CWF19L2: variants seen among roughly 807,000 people sequenced by gnomAD.
CWF19L2 encodes CWF19 like cell cycle control factor 2, also known as CWF19-like protein 2.
CWF19L2 carries 98 observed loss-of-function variants against 111.7 expected under a neutral mutation model. The observed-to-expected ratio is 0.88, with a 90% confidence interval of 0.75 to 1.04. The LOEUF (loss-of-function observed/expected upper bound fraction) is 1.04, where lower values mean the gene tolerates loss of function less well. Ranked by LOEUF, CWF19L2 falls within the 50% of genes least tolerant of loss-of-function variation. The probability of loss-of-function intolerance (pLI) is 0.00; values close to 1 mark genes in which losing one functional copy is unlikely to be tolerated. For missense variants in CWF19L2, 1,101 were observed against 1,051.4 expected (o/e 1.05, Z -0.65); for synonymous variants, 351 against 342.9 (o/e 1.02, Z -0.26).
At chr11:107,353,141 T>C (rs1423966652) in intron 13 of CWF19L2, among the ~76,000 whole-genome samples, 1 of 152,200 alleles carries the variant, frequency 6.6e-6, no homozygotes, top group Non-Finnish European at 1.5e-5. Context: ...ATTAATTCTT[T>C]CAAATCAGGG....
chr11:107,381,901 T>A (rs1288696199), intron 12 of CWF19L2, among the ~76,000 whole-genome samples: 1 of 152,188 alleles, frequency 6.6e-6, no homozygotes, highest in African/African-American at 2.4e-5. Context: ...CATCTTTTTT[T>A]AATAACTTAA....
At chr11:107,335,140 T>C (rs1859904035) in intron 15 of CWF19L2, among the ~76,000 whole-genome samples, 179 bp from the exon 16 acceptor site, 1 of 152,204 alleles carries the variant, frequency 6.6e-6, no homozygotes, top group African/African-American at 2.4e-5. Context: ...TTTTGAAATC[T>C]TACCATTAGC....
chr11:107,432,232 A>AT (rs1291959674), intron 7 of CWF19L2, among the ~76,000 whole-genome samples: 1 of 152,218 alleles, frequency 6.6e-6, no homozygotes, highest in African/African-American at 2.4e-5. Flanking sequence ...ATGGAAAACA[A>AT]TATCAATAGT....
intron 6 of CWF19L2, among the ~76,000 whole-genome samples, chr11:107,437,773 G>A (rs1861563499): frequency 6.6e-6 from 1 of 152,146 alleles, no homozygotes; most frequent in Non-Finnish European, 1.5e-5. Context: ...CAACTGGCAA[G>A]ATCCAAAGAT....
At position 107,336,569 on chromosome 11, in the gene CWF19L2, T is replaced by C. The variant is rs373506062; in HGVS notation, c.2347A>G (p.Ile783Val). The change falls in exon 15 of 18, where the codon ATC (isoleucine) becomes GTC (valine). Residue 783 changes from isoleucine (I) to valine (V), a missense_variant. Physicochemically the swap from Ile to Val is conservative, Grantham distance 29. Coordinates refer to ENST00000282251, the MANE Select transcript of CWF19L2 (RefSeq NM_152434.3). The stretch of plus-strand genomic sequence containing the variant: ...CTACTTATAAACACCTTAAAATAGA[T>C]GGGAGCCATGTCACCCACTTCCTTG... ...LPKEVGDMAP[I>V]YFKKAIMESD... 163 of 1,601,560 alleles carry C rather than the reference T, an allele frequency of 1.0e-4. No homozygotes were observed. The highest frequency in any genetic ancestry group is 1.3e-4 in the Non-Finnish European group (153 of 1,175,808).
At chr11:107,355,580 T>TAGTATTTCATAGC (rs1860225979) in intron 12 of CWF19L2, among the ~76,000 whole-genome samples, 1 of 152,156 alleles carries the variant, frequency 6.6e-6, no homozygotes, top group South Asian at 2.1e-4. Flanking sequence ...TTTCATAGCA[T>TAGTATTTCATAGC]ATAGTATTAT....
intron 16 of CWF19L2, among the ~76,000 whole-genome samples, chr11:107,330,526 G>C (rs1859830316): frequency 6.6e-6 from 1 of 151,608 alleles, no homozygotes; most frequent in Non-Finnish European, 1.5e-5. Flanking sequence ...GCAACACTTA[G>C]TTTACCAGCC....
rs1215636932 is a variant in CWF19L2 at position 107,365,583 on chromosome 11, C to A, written c.1873-11847G>T. ...AGCCAAAGACAAAAACCACATGATT[C>A]TCTCAATAGATGCAGAAAAAGCCTT... On this transcript the variant is annotated intron_variant, in intron 12 of 17. Coordinates refer to ENST00000282251, the MANE Select transcript of CWF19L2 (RefSeq NM_152434.3). 6.3e-3 allele frequency among the ~76,000 whole-genome samples: 624 copies of A among 99,502 alleles called. 9 individuals carry two copies. The highest frequency in any genetic ancestry group is 0.029 in the African/African-American group (554 of 18,840). 65.3% of individuals were successfully genotyped at this position (99,502 alleles called of 152,430 possible).
intron 10 of CWF19L2, among the ~76,000 whole-genome samples, chr11:107,400,744 C>T (rs1860987873): frequency 1.3e-5 from 2 of 152,130 alleles, no homozygotes; most frequent in Non-Finnish European, 2.9e-5. Flanking sequence ...ATACCAAAAC[C>T]AGGAAAGGAC....
chr11:107,410,127 C>T (rs1199716577), intron 10 of CWF19L2, among the ~76,000 whole-genome samples: 1 of 152,108 alleles, frequency 6.6e-6, no homozygotes, highest in Non-Finnish European at 1.5e-5. Context: ...ACGAGCTAAG[C>T]AATGAAAGAA....
intron 15 of CWF19L2, among the ~76,000 whole-genome samples, chr11:107,335,860 C>T (rs1380441054): frequency 6.6e-6 from 1 of 152,096 alleles, no homozygotes; most frequent in Non-Finnish European, 1.5e-5. Context: ...TTAAAAGGCA[C>T]CAGTTGCTTG....
intron 5 of CWF19L2, among the ~76,000 whole-genome samples, chr11:107,439,404 G>A (rs1211820216): frequency 6.6e-6 from 1 of 152,124 alleles, no homozygotes; most frequent in Non-Finnish European, 1.5e-5. Flanking sequence ...TGTGCTAGTT[G>A]CAGAAGATTT....
chr11:107,418,231 C>G lies in CWF19L2; in HGVS notation c.1490G>C (p.Gly497Ala). The change falls in exon 9 of 18, where the codon GGA (glycine) becomes GCA (alanine). Residue 497 changes from glycine (G) to alanine (A), a missense_variant. Gly to Ala is a moderately conservative substitution (Grantham distance 60). Coordinates refer to ENST00000282251, the MANE Select transcript of CWF19L2 (RefSeq NM_152434.3). ...ILSVDEKNKL[G>A]AKIIKAEMMG... ...CATCTCTGCTTTGATAATCTTGGCT[C>G]CCAACTTGTTCTTCTCATCAACACT... 1 of 1,612,966 alleles carries G rather than the reference C, an allele frequency of 6.2e-7. No homozygotes were observed. Among genetic ancestry groups the G allele is most frequent in the African/African-American group, 1.3e-5 (1 of 75,006 alleles).
At chr11:107,455,831 CA>C in intron 1 of CWF19L2, 55 bp from the exon 2 acceptor site, 17 of 1,065,418 alleles carry the variant, frequency 1.6e-5, no homozygotes, top group Admixed American at 2.5e-5. Context: ...CTGGGTTTCA[CA>C]AAAAAAGGAA....
chr11:107,434,662 T>C (rs1591202896), intron 6 of CWF19L2, among the ~76,000 whole-genome samples: 1 of 126,228 alleles, frequency 7.9e-6, no homozygotes, highest in African/African-American at 3.2e-5. Flanking sequence ...TACTATTTAA[T>C]ATTACACAGC....
At chr11:107,437,297 T>C (rs1012621554) in intron 6 of CWF19L2, among the ~76,000 whole-genome samples, 2 of 152,156 alleles carry the variant, frequency 1.3e-5, no homozygotes, top group Non-Finnish European at 2.9e-5. Flanking sequence ...GGCCAGAAAA[T>C]GTCTCCACAA....
intron 12 of CWF19L2, among the ~76,000 whole-genome samples, chr11:107,368,125 C>A (rs1391379853): frequency 1.5e-5 from 1 of 66,536 alleles, no homozygotes; most frequent in South Asian, 5.3e-4. Context: ...GACCCCCCCC[C>A]ACACAAAAAT....
chr11:107,327,088 T>C (rs369084294), intron 17 of CWF19L2, 35 bp from the exon 18 acceptor site: 47 of 1,520,744 alleles, frequency 3.1e-5, no homozygotes, highest in Admixed American at 6.9e-5. Context: ...AACACAAGCA[T>C]GTATAAATAA....
chr11:107,442,792 A>AAGGAAGGAAGGAAGGGAGGG, intron 4 of CWF19L2, 147 bp downstream of exon 4: 2 of 161,076 alleles, frequency 1.2e-5, no homozygotes, highest in Non-Finnish European at 1.0e-5. Flanking sequence ...GGAAGGAAGG[A>AAGGAAGGAAGGAAGGGAGGG]AGGGAGGGAG....
Sources: gnomAD v4.1 joint callset for allele counts (sites outside exome capture counted in the v4.1 genomes callset) on GRCh38, gnomAD v4.1.1 for gene constraint, MANE v1.5 for transcripts, NCBI Gene and HGNC (gene_info 2026-07-23, HGNC 2026-07-21) for gene names.